The following NAV3 variants were observed in gnomAD, a reference collection of about 807,000 sequenced individuals.
NAV3 encodes pore membrane and/or filament interacting like protein 1.
Under a neutral mutation model 244.7 loss-of-function variants are expected in NAV3, and 87 were observed. That is an observed-to-expected ratio of 0.36 (90% CI 0.30 to 0.42). The LOEUF (loss-of-function observed/expected upper bound fraction) is 0.42. Ranked by LOEUF, NAV3 falls within the 20% of genes least tolerant of loss-of-function variation. The pLI, the probability that NAV3 is intolerant of heterozygous loss-of-function variation, is 1.00. For missense variants in NAV3, 2,663 were observed against 2,893.3 expected (o/e 0.92, Z 1.83); for synonymous variants, 1,126 against 1,042.2 (o/e 1.08, Z -1.55).
intron 2 of NAV3, among the ~76,000 whole-genome samples, chr12:77,691,201 T>C (rs1727845): frequency 0.81 from 121,945 of 149,700 alleles, 52,127 homozygotes; most frequent in East Asian, 1. Flanking sequence ...ATTGAAACAT[T>C]TTGTGAGTCT....
At chr12:77,762,208 CATAAGT>C (rs1271202015) in intron 2 of NAV3, among the ~76,000 whole-genome samples, 1 of 152,062 alleles carries the variant, frequency 6.6e-6, no homozygotes, top group African/African-American at 2.4e-5. Context: ...TGTTCTCACT[CATAAGT>C]ATGAGTTGAA....
intron 2 of NAV3, among the ~76,000 whole-genome samples, chr12:77,665,515 A>C (rs1490273129): frequency 6.6e-6 from 1 of 152,150 alleles, no homozygotes; most frequent in Non-Finnish European, 1.5e-5. Context: ...TTTTGTTAGA[A>C]AGTTGTGAGA....
intron 2 of NAV3, among the ~76,000 whole-genome samples, chr12:77,664,757 A>G (rs562019621): frequency 5.2e-4 from 79 of 152,322 alleles, no homozygotes; most frequent in African/African-American, 1.8e-3. Context: ...AATGAAAGAA[A>G]CCAAGAAAAC....
rs180868088 is a variant in NAV3 at position 77,774,478 on chromosome 12, G to C, written c.73-165841G>C. Reference sequence around the variant, plus strand: ...CACTTTTCCAAAATGTTCACAAAAAGCTGAAATGAGACAGGGTATACATGG... The same window carrying C: ...CACTTTTCCAAAATGTTCACAAAAACCTGAAATGAGACAGGGTATACATGG... On this transcript the variant is annotated intron_variant, in intron 2 of 8. Coordinates refer to the NAV3 transcript ENST00000550042. Among the ~76,000 whole-genome samples, 279 of 152,226 alleles carry C rather than the reference G, an allele frequency of 1.8e-3. 1 individual carries two copies. The highest frequency in any genetic ancestry group is 6.4e-3 in the African/African-American group (266 of 41,538).
At chr12:78,044,431 T>C (rs1295067293) in intron 9 of NAV3, among the ~76,000 whole-genome samples, 1 of 152,190 alleles carries the variant, frequency 6.6e-6, no homozygotes, top group African/African-American at 2.4e-5. Flanking sequence ...TTTGGTTCCA[T>C]ATGAAATTTA....
chr12:78,116,816 T>C lies in NAV3; in HGVS notation c.2681T>C (p.Leu894Pro). ...GTGAGCAGTGGTCTCAGTGACACCC[T>C]TGATAACATCAGCACTGATGACCTG... The part of the protein sequence containing the change: ...SSVSSGLSDT[L>P]DNISTDDLNT... Residue 894 changes from leucine to proline, a missense_variant, in exon 13 of 40, where the codon CTT becomes CCT. Leu to Pro is a moderately conservative substitution (Grantham distance 98). Transcript: ENST00000397909. 3.1e-6 allele frequency: 5 copies of C among 1,610,168 alleles called. No homozygotes were observed. The highest frequency in any genetic ancestry group is 4.2e-6 in the Non-Finnish European group (5 of 1,177,460).
In NAV3 at chr12:78,150,942, C is replaced by T. The variant is rs535507490; in HGVS notation, c.4785+2023C>T. Among the ~76,000 whole-genome samples, 14 of 151,840 alleles carry T rather than the reference C, an allele frequency of 9.2e-5. No individual in the cohort carries two copies. The South Asian group carries it at 2.9e-3, about 32-fold the overall frequency. The stretch of plus-strand genomic sequence containing the variant: ...AAGTACTCTTTTTATGTGAAAAGCA[C>T]AGATATGCAGATAATACATAACTGA... On this transcript the variant is annotated intron_variant, in intron 22 of 39. Coordinates refer to ENST00000397909, the MANE Select transcript of NAV3 (RefSeq NM_001024383.2).
intron 12 of NAV3, among the ~76,000 whole-genome samples, chr12:78,068,069 A>G (rs994253365): frequency 6.6e-6 from 1 of 152,052 alleles, no homozygotes; most frequent in South Asian, 2.1e-4. Flanking sequence ...TATAATAACA[A>G]TAGCTATAAT....
chr12:77,578,078 T>G (rs552234474), intron 2 of NAV3, among the ~76,000 whole-genome samples: 2 of 152,200 alleles, frequency 1.3e-5, no homozygotes, highest in Non-Finnish European at 2.9e-5. Flanking sequence ...TTTAAAGATA[T>G]GTTACAAAAG....
intron 18 of NAV3, among the ~76,000 whole-genome samples, chr12:78,133,414 C>T (rs529328880): frequency 2.0e-5 from 3 of 150,660 alleles, no homozygotes; most frequent in African/African-American, 7.3e-5. Flanking sequence ...TATATATATA[C>T]TTACCTTAAA....
intron 2 of NAV3, among the ~76,000 whole-genome samples, chr12:77,768,305 G>A (rs1471537387): frequency 6.6e-6 from 1 of 152,204 alleles, no homozygotes. Flanking sequence ...TGGCTTGAAG[G>A]TGGGGTTTCA....
intron 2 of NAV3, among the ~76,000 whole-genome samples, chr12:77,796,927 C>T (rs1391650334): frequency 1.3e-5 from 2 of 151,866 alleles, no homozygotes; most frequent in East Asian, 3.9e-4. Context: ...GGGAAACCAA[C>T]AAGTTTGTGT....
chr12:77,920,933 C>T (rs1887653531), intron 1 of NAV3, among the ~76,000 whole-genome samples: 1 of 152,040 alleles, frequency 6.6e-6, no homozygotes, highest in South Asian at 2.1e-4. Context: ...ATATCCTTGT[C>T]ACAAAAGGGA....
chr12:77,991,317 C>G (rs544796518), intron 5 of NAV3, among the ~76,000 whole-genome samples: 36 of 152,134 alleles, frequency 2.4e-4, no homozygotes, highest in Non-Finnish European at 4.1e-4. Flanking sequence ...AGCCACTGCG[C>G]CCAGCCTAGT....
chr12:77,595,180 A>G (rs2136740282), intron 2 of NAV3, among the ~76,000 whole-genome samples: 1 of 152,320 alleles, frequency 6.6e-6, no homozygotes, highest in East Asian at 1.9e-4. Flanking sequence ...GGGTTAACGG[A>G]TAAAGACATT....
intron 1 of NAV3, among the ~76,000 whole-genome samples, chr12:77,916,267 A>G (rs1484554732): frequency 6.6e-6 from 1 of 152,080 alleles, no homozygotes; most frequent in Non-Finnish European, 1.5e-5. Context: ...TATTTGAAAG[A>G]CATTGGAAAA....
chr12:78,188,496 T>C, intron 32 of NAV3, 113 bp from the exon 33 acceptor site: 1 of 1,202,526 alleles, frequency 8.3e-7, no homozygotes, highest in Non-Finnish European at 1.2e-6. Flanking sequence ...AGTTCTTATA[T>C]TACCCATTTC....
intron 16 of NAV3, 146 bp downstream of exon 16, chr12:78,122,574 C>A: frequency 1.1e-6 from 1 of 948,454 alleles, no homozygotes; most frequent in Non-Finnish European, 1.5e-6. Flanking sequence ...CTTTCATTTG[C>A]TCTCATTACC....
At chr12:78,093,299 T>C (rs1272193141) in intron 12 of NAV3, among the ~76,000 whole-genome samples, 1 of 152,238 alleles carries the variant, frequency 6.6e-6, no homozygotes, top group African/African-American at 2.4e-5. Context: ...ATTACTCATC[T>C]ATCTTTTTCT....
Sources: allele counts gnomAD v4.1 joint callset (sites outside exome capture counted in the v4.1 genomes callset), GRCh38; gene constraint gnomAD v4.1.1; transcripts MANE v1.5; gene names NCBI Gene and HGNC (gene_info 2026-07-23, HGNC 2026-07-21).